SYPL1: variants seen among roughly 807,000 people sequenced by gnomAD.
SYPL1 encodes synaptophysin like 1, also known as synaptophysin-like protein 1.
A neutral mutation model predicts 23.7 loss-of-function variants in SYPL1; 6 were observed. The observed-to-expected ratio is 0.25, with a 90% CI of 0.14 to 0.50. The LOEUF (loss-of-function observed/expected upper bound fraction) is 0.50, where lower values mean the gene tolerates loss of function less well. Among genes scored for constraint, SYPL1 ranks in the 20% least tolerant of loss-of-function variants. The pLI is 0.98. For missense variants in SYPL1, 253 were observed against 288.9 expected, an observed-to-expected ratio of 0.88 and a Z score of 0.90; for synonymous variants, 102 against 104.5, an observed-to-expected ratio of 0.98 and a Z score of 0.15.
Position 106,099,163 on chromosome 7 carries a change from T to C in SYPL1, c.189A>G (p.Pro63=), listed in dbSNP as rs1047950337. The C allele has an allele frequency of 3.1e-6, 5 of 1,608,562 alleles. No homozygotes were observed. In the African/African-American group the frequency reaches 5.4e-5, roughly 17 times the overall value. ...TTAAAATAAATATAACTCACCTGAATGGATAACCAAAAGTAGCTGTAACAG... is the reference window on the plus strand; with the variant it reads ...TTAAAATAAATATAACTCACCTGAACGGATAACCAAAAGTAGCTGTAACAG... ...NKTVTATFGY[P]FRLNEASFQP... is the part of the protein sequence containing the mutation. The change falls in exon 2 of 5, where the codon CCA becomes CCG. Residue 63 remains proline, a synonymous_variant. Coordinates refer to ENST00000455385, the MANE Select transcript of SYPL1 (RefSeq NM_182715.4).
rs1839756833 is a variant in SYPL1, at chr7:106,091,997, CT to C, written c.592-59del. On this transcript the variant is annotated intron_variant, in intron 4 of 4. Transcript: ENST00000455385. This position sits in a 1 kb window ranked among gnomAD's most constrained non-coding sequence, Gnocchi z 5.0. The stretch of plus-strand genomic sequence containing the variant: ...ATACCTACTTATAAAAATTCATGCC[CT>C]ACTTAAAAATCTCACTTTTTCTTTA... 1 of 1,510,470 alleles carries C rather than the reference CT, an allele frequency of 6.6e-7. No homozygotes were observed. Among genetic ancestry groups the C allele is most frequent in the African/African-American group, 1.4e-5 (1 of 71,018 alleles). 93.6% of individuals were successfully genotyped at this position (1,510,470 alleles called of 1,614,324 possible).
At chr7:106,111,553 TGA>T (rs1284237837) in intron 1 of SYPL1, among the ~76,000 whole-genome samples, 2 of 152,254 alleles carry the variant, frequency 1.3e-5, no homozygotes, top group African/African-American at 4.8e-5. Flanking sequence ...TGAACCGATC[TGA>T]CTCGATGCGT....
At chr7:106,110,563 T>TCAAATATTTACCACACCATTAA (rs1790092561) in intron 1 of SYPL1, among the ~76,000 whole-genome samples, 1 of 152,246 alleles carries the variant, frequency 6.6e-6, no homozygotes, top group African/African-American at 2.4e-5. Context: ...TATAAAATAG[T>TCAAATATTTACCACACCATTAA]CAAATATTTA....
chr7:106,111,972 G>T, intron 1 of SYPL1, 168 bp downstream of exon 1: 2 of 885,884 alleles, frequency 2.3e-6, no homozygotes, highest in Non-Finnish European at 2.8e-6. Context: ...GCCCCGCGCG[G>T]CCCAGGCCGC....
At chr7:106,093,399 T>C (rs921683923) in intron 3 of SYPL1, 15 of 372,606 alleles carry the variant, frequency 4.0e-5, no homozygotes, top group Non-Finnish European at 5.8e-5. Flanking sequence ...CAAAGTTTTA[T>C]ACAGCCTTCA....
intron 3 of SYPL1, among the ~76,000 whole-genome samples, chr7:106,094,818 A>C (rs926545609): frequency 1.2e-4 from 18 of 151,996 alleles, no homozygotes; most frequent in Non-Finnish European, 2.2e-4. Flanking sequence ...ATCCACTTTG[A>C]TGGCTTGAGG....
intron 1 of SYPL1, among the ~76,000 whole-genome samples, chr7:106,103,729 GTGTGGTTAATAGAACACTGAAAATTACTA>G (rs1343602629): frequency 6.6e-6 from 1 of 152,088 alleles, no homozygotes; most frequent in African/African-American, 2.4e-5. Context: ...TCTTATTTTA[GTGTGGTTAATAGAACACTGAAAATTACTA>G]TGTGGTTTGC....
In SYPL1 at chr7:106,095,988, T is replaced by C. The variant is rs1482959419; in HGVS notation, c.402+1702A>G. 1.3e-5 allele frequency among the ~76,000 whole-genome samples: 2 copies of C among 152,162 alleles called. No homozygotes were observed. Among genetic ancestry groups the C allele is most frequent in the Non-Finnish European group, 2.9e-5 (2 of 68,030 alleles). ...GAGAAATAAAGGGCACACTGATAGA[T>C]TTAGTAAAAAAATTTGTTGGGATGA... is the stretch of plus-strand genomic sequence containing the variant. On this transcript the variant is annotated intron_variant, in intron 3 of 4. Transcript: ENST00000455385. The surrounding 1 kb of genome is among the most constrained non-coding windows in gnomAD (Gnocchi z 4.3).
At chr7:106,112,085 C>A (rs1164868477) in intron 1 of SYPL1, 55 bp downstream of exon 1, 7 of 1,348,054 alleles carry the variant, frequency 5.2e-6, no homozygotes, top group Admixed American at 2.6e-5. Context: ...CGTCTCCCCG[C>A]CTAGGGCGCC....
intron 4 of SYPL1, chr7:106,092,610 TTGCAGTGTGCCGAGATCA>T (rs1445920082): frequency 2.0e-5 from 7 of 354,012 alleles, no homozygotes; most frequent in Non-Finnish European, 3.3e-5. Context: ...GAGGCGGAGG[TTGCAGTGTGCCGAGATCA>T]TGCCACTGCA....
rs904120367 is a variant in SYPL1, at chr7:106,109,058, A to C, written c.69+3082T>G. 6.6e-6 allele frequency among the ~76,000 whole-genome samples: 1 copy of C among 151,998 alleles called. No individual in the cohort carries two copies. The highest frequency in any genetic ancestry group is 2.4e-5 in the African/African-American group (1 of 41,350). ...AACCAAAAACAAAAAAGAACAAAAA[A>C]CCCCCACCAGTTTTACTTAAGAATG... On this transcript the variant is annotated intron_variant, in intron 1 of 4. Coordinates refer to ENST00000455385, the MANE Select transcript of SYPL1 (RefSeq NM_182715.4). This position sits in a 1 kb window ranked among gnomAD's most constrained non-coding sequence, Gnocchi z 4.3.
intron 1 of SYPL1, among the ~76,000 whole-genome samples, chr7:106,106,868 TAA>T (rs1304942570): frequency 6.6e-6 from 1 of 152,158 alleles, no homozygotes; most frequent in Non-Finnish European, 1.5e-5. Flanking sequence ...AAATAAAATT[TAA>T]AAAGAGTTTG....
rs2116170681 is a variant in SYPL1, at chr7:106,104,262, G to A, written c.70-4980C>T. Among the ~76,000 whole-genome samples the A allele has an allele frequency of 6.6e-6, 1 of 152,250 alleles. No homozygotes were observed. The highest frequency in any genetic ancestry group is 1.5e-5 in the Non-Finnish European group (1 of 68,020). On this transcript the variant is annotated intron_variant, in intron 1 of 4. Transcript: ENST00000455385. This position sits in a 1 kb window ranked among gnomAD's most constrained non-coding sequence, Gnocchi z 4.1. ...ACTTGCTTTCTAAAAAATAAAATGG[G>A]GCCGGGTGCAGTGGCTTATGCCTGT... is the stretch of plus-strand genomic sequence containing the variant.
Position 106,091,007 on chromosome 7 carries a change from G to A in SYPL1, c.*798C>T, listed in dbSNP as rs1839701580. On this transcript the variant is annotated 3_prime_UTR_variant, in exon 5 of 5. Coordinates refer to ENST00000455385, the MANE Select transcript of SYPL1 (RefSeq NM_182715.4). This position sits in a 1 kb window ranked among gnomAD's most constrained non-coding sequence, Gnocchi z 5.0. Reference sequence around the variant, plus strand: ...GTACTTACAAAGAGGCTGGGTCTCAGCCTGCACTTAAACAGCATGAGCAAC... The same window carrying A: ...GTACTTACAAAGAGGCTGGGTCTCAACCTGCACTTAAACAGCATGAGCAAC... 1.3e-5 allele frequency: 2 copies of A among 152,184 alleles called. No individual in the cohort carries two copies. 9.4% of individuals were successfully genotyped at this position (152,184 alleles called of 1,614,324 possible).
chr7:106,099,154 TC>T lies in SYPL1; in HGVS notation c.194+3del. 6.2e-7 allele frequency: 1 copy of T among 1,601,208 alleles called. No individual in the cohort carries two copies. Among genetic ancestry groups the T allele is most frequent in the Non-Finnish European group, 8.5e-7 (1 of 1,176,774 alleles). On this transcript the variant is annotated splice_donor_region_variant and intron_variant, in intron 2 of 4. Transcript: ENST00000455385. ...GTGAAACCATTAAAATAAATATAACTCACCTGAATGGATAACCAAAAGTAGC... is the reference window on the plus strand; with the variant it reads ...GTGAAACCATTAAAATAAATATAACTACCTGAATGGATAACCAAAAGTAGC...
chr7:106,107,258 T>A (rs1371399160), intron 1 of SYPL1, among the ~76,000 whole-genome samples: 2 of 151,878 alleles, frequency 1.3e-5, no homozygotes, highest in Admixed American at 6.5e-5. Flanking sequence ...TGAGTCAAAG[T>A]CCAAAATGTT....
Position 106,096,754 on chromosome 7 carries a change from A to G in SYPL1, c.402+936T>C, listed in dbSNP as rs1393795811. On this transcript the variant is annotated intron_variant, in intron 3 of 4. Transcript: ENST00000455385. The surrounding 1 kb of genome is among the most constrained non-coding windows in gnomAD (Gnocchi z 4.4). ...ACCTGGGTCTGATTTTAAATTAAGG[A>G]GTTTAGGGACATAGACCAGGAATCA... Among the ~76,000 whole-genome samples, 3 of 152,220 alleles carry G rather than the reference A, an allele frequency of 2.0e-5. No individual in the cohort carries two copies. The highest frequency in any genetic ancestry group is 4.4e-5 in the Non-Finnish European group (3 of 68,036).
intron 2 of SYPL1, 27 bp downstream of exon 2, chr7:106,099,131 G>A (rs374643804): frequency 1.3e-6 from 2 of 1,588,876 alleles, no homozygotes; most frequent in Non-Finnish European, 1.7e-6. Flanking sequence ...AAAGAGTTGT[G>A]AAACCATTAA....
Position 106,090,683 on chromosome 7 carries a change from C to A in SYPL1, c.*1122G>T, listed in dbSNP as rs1446171002. 6.6e-6 allele frequency: 1 copy of A among 152,448 alleles called. No individual in the cohort carries two copies. Among genetic ancestry groups the A allele is most frequent in the Non-Finnish European group, 1.5e-5 (1 of 67,986 alleles). 9.4% of individuals were successfully genotyped at this position (152,448 alleles called of 1,614,324 possible). On this transcript the variant is annotated 3_prime_UTR_variant, in exon 5 of 5. Coordinates refer to ENST00000455385, the MANE Select transcript of SYPL1 (RefSeq NM_182715.4). Reference sequence around the variant, plus strand: ...CCTGTACAACAAAAAGATTAGGAAGCAAAATGTGAATAAGCTTGTATTCAG... The same window carrying A: ...CCTGTACAACAAAAAGATTAGGAAGAAAAATGTGAATAAGCTTGTATTCAG...
Sources: gnomAD v4.1 joint callset for allele counts (sites outside exome capture counted in the v4.1 genomes callset) on GRCh38, gnomAD v4.1.1 for gene constraint, Gnocchi (gnomAD v3.1) non-coding constraint, MANE v1.5 for transcripts, NCBI Gene and HGNC (gene_info 2026-07-23, HGNC 2026-07-21) for gene names.